Variants in BAD observed in about 807,000 individuals in gnomAD.
The protein encoded by BAD is BCL2 associated agonist of cell death.
Under a neutral mutation model 17.8 loss-of-function variants are expected in BAD, and 18 were observed. That is an observed-to-expected ratio of 1.01 (90% CI 0.70 to 1.50). The LOEUF is 1.50. Among genes scored for constraint, BAD ranks in the 40% most tolerant of loss-of-function variants. The pLI, the probability that BAD is intolerant of heterozygous loss-of-function variation, is 0.00. For missense variants in BAD, 294 were observed against 239.3 expected (o/e 1.23, Z -1.51); for synonymous variants, 112 against 91.5 (o/e 1.22, Z -1.28).
chr11:64,282,339 C>T (rs986787059), intron 2 of BAD, among the ~76,000 whole-genome samples: 1 of 152,160 alleles, frequency 6.6e-6, no homozygotes, highest in Non-Finnish European at 1.5e-5. Flanking sequence ...TGGTGGCTCA[C>T]GCCAGTAATC....
chr11:64,276,802 C>G, intron 2 of BAD: 2 of 655,720 alleles, frequency 3.1e-6, no homozygotes, highest in Non-Finnish European at 5.6e-6. Context: ...GGTGCCCAGG[C>G]CTGCCCACTC....
intron 2 of BAD, among the ~76,000 whole-genome samples, chr11:64,280,690 C>G (rs1187450482): frequency 6.6e-6 from 1 of 150,926 alleles, no homozygotes; most frequent in South Asian, 2.1e-4. Context: ...TTTTTTGAGA[C>G]GGACTCTTGC....
At chr11:64,271,383 A>T (rs1358431537) in intron 3 of BAD, among the ~76,000 whole-genome samples, 4 of 77,612 alleles carry the variant, frequency 5.2e-5, no homozygotes, top group African/African-American at 1.2e-4. Flanking sequence ...CCTGTGACTC[A>T]CACACACACA....
Position 64,271,659 on chromosome 11 carries a change from C to G in BAD, c.332G>C (p.Gly111Ala), listed in dbSNP as rs1370782023. The part of the protein sequence containing the change: ...PPNLWAAQRY[G>A]RELRRMSDEF... ...GTCACTCATCCTCCGGAGCTCGCGG[C>G]CATAGCGCTGTGCTGCCCAGAGGTT... Residue 111 changes from glycine to alanine, a missense_variant, in exon 3 of 4, where the codon GGC becomes GCC. Gly to Ala is a moderately conservative substitution (Grantham distance 60). Coordinates refer to ENST00000309032, the MANE Select transcript of BAD (RefSeq NM_032989.3). 2.6e-6 allele frequency: 4 copies of G among 1,509,588 alleles called. No individual in the cohort carries two copies. Among genetic ancestry groups the G allele is most frequent in the Non-Finnish European group, 3.5e-6 (4 of 1,128,142 alleles). The allele number at this position is 1,509,588 out of a possible 1,614,324, so 93.5% of individuals were successfully genotyped here. A position where few individuals can be genotyped will look rare whatever the true frequency, so the allele number is the denominator to read the frequency against.
chr11:64,270,546 C>T, intron 3 of BAD: 1 of 743,546 alleles, frequency 1.3e-6, no homozygotes, highest in Non-Finnish European at 2.3e-6. Flanking sequence ...CCAGGAACTC[C>T]GTGCCGGAGA....
intron 2 of BAD, chr11:64,277,137 G>A (rs899534800): frequency 2.1e-5 from 13 of 618,120 alleles, no homozygotes; most frequent in South Asian, 3.7e-5. Context: ...GTTCCAGACC[G>A]TTTGGAGCAG....
In BAD at chr11:64,269,945, G is replaced by C; in HGVS notation, c.*264C>G. The C allele has an allele frequency of 4.2e-6, 3 of 721,822 alleles. No homozygotes were observed. The highest frequency in any genetic ancestry group is 7.3e-6 in the Non-Finnish European group (3 of 408,886). The allele number at this position is 721,822 out of a possible 1,614,324, so 44.7% of individuals were successfully genotyped here. ...AAACCTGGCTCGCGACTTAGCGCAG[G>C]CGCCTGGGGGAAAGCCCGGAGCCTG... On this transcript the variant is annotated 3_prime_UTR_variant, in exon 4 of 4. Coordinates refer to ENST00000309032, the MANE Select transcript of BAD (RefSeq NM_032989.3).
At chr11:64,276,076 T>C (rs2033033488) in intron 2 of BAD, among the ~76,000 whole-genome samples, 1 of 152,110 alleles carries the variant, frequency 6.6e-6, no homozygotes. Flanking sequence ...CTTCCAGCTG[T>C]ACCTTGGGCT....
At chr11:64,281,206 T>C (rs1291381887) in intron 2 of BAD, among the ~76,000 whole-genome samples, 1 of 152,124 alleles carries the variant, frequency 6.6e-6, no homozygotes, top group Non-Finnish European at 1.5e-5. Context: ...GACCTCATGA[T>C]CTGCCCACCT....
rs1249853281 is a variant in BAD, at chr11:64,271,691, C to G, written c.300G>C (p.Ala100=). The G allele has an allele frequency of 6.8e-7, 1 of 1,471,096 alleles. No homozygotes were observed. The highest frequency in any genetic ancestry group is 1.3e-5 in the South Asian group (1 of 74,264). The allele number at this position is 1,471,096 out of a possible 1,614,324, so 91.1% of individuals were successfully genotyped here. The change falls in exon 3 of 4, where the codon GCG becomes GCC. Residue 100 remains alanine, a synonymous_variant. Coordinates refer to ENST00000309032, the MANE Select transcript of BAD (RefSeq NM_032989.3). ...PSPFRGRSRS[A]PPNLWAAQRY... is the part of the protein sequence containing the mutation. The stretch of plus-strand genomic sequence containing the variant: ...GCTGTGCTGCCCAGAGGTTGGGGGG[C>G]GCCGAGCGCGAGCGGCCCCGAAAGG...
intron 2 of BAD, 49 bp downstream of exon 2, chr11:64,284,133 T>C (rs753264880): frequency 6.6e-7 from 1 of 1,515,530 alleles, no homozygotes; most frequent in South Asian, 1.3e-5. Context: ...AGGGAGCCAG[T>C]GGGCTGGGGG....
chr11:64,271,406 C>CACACACACACACACACA (rs2032589137), intron 3 of BAD, among the ~76,000 whole-genome samples: 1 of 140,538 alleles, frequency 7.1e-6, no homozygotes, highest in South Asian at 2.4e-4. Flanking sequence ...CACACACACA[C>CACACACACACACACACA]CAGGCGGGGG....
chr11:64,269,932 C>T lies in BAD; in HGVS notation c.*277G>A. Reference sequence around the variant, plus strand: ...TGACGCAACGGTTAAACCTGGCTCGCGACTTAGCGCAGGCGCCTGGGGGAA... The same window carrying T: ...TGACGCAACGGTTAAACCTGGCTCGTGACTTAGCGCAGGCGCCTGGGGGAA... On this transcript the variant is annotated 3_prime_UTR_variant, in exon 4 of 4. Coordinates refer to ENST00000309032, the MANE Select transcript of BAD (RefSeq NM_032989.3). The T allele has an allele frequency of 1.4e-6, 1 of 713,248 alleles. No homozygotes were observed. Among genetic ancestry groups the T allele is most frequent in the Non-Finnish European group, 2.5e-6 (1 of 398,284 alleles). The allele number at this position is 713,248 out of a possible 1,614,324, so 44.2% of individuals were successfully genotyped here.
At chr11:64,279,762 C>CAAA (rs35718358) in intron 2 of BAD, among the ~76,000 whole-genome samples, 22 of 103,692 alleles carry the variant, frequency 2.1e-4, no homozygotes, top group Admixed American at 9.5e-4. Flanking sequence ...GACTCTATCT[C>CAAA]AAAAAAAAAA....
In BAD at chr11:64,284,251, G is replaced by A. The variant is rs1478683357; in HGVS notation, c.118C>T (p.Gln40Ter). ...GCGTCCCACAGGAGGCCTGGGGCCT[G>A]GCGATGATGCTTGCCGGAGCCTGAG... is the stretch of plus-strand genomic sequence containing the variant. ...GPSGSGKHHR[Q>*]APGLLWDASH... is the part of the protein sequence containing the mutation. The change falls in exon 2 of 4, where the codon CAG (glutamine) becomes TAG (stop). Residue 40 changes from glutamine (Q) to a stop codon, truncating the protein, a stop_gained. Coordinates refer to ENST00000309032, the MANE Select transcript of BAD (RefSeq NM_032989.3). LOFTEE classifies it high-confidence loss of function. 7.4e-6 allele frequency: 12 copies of A among 1,611,002 alleles called. No individual in the cohort carries two copies. Among genetic ancestry groups the A allele is most frequent in the South Asian group, 2.2e-5 (2 of 91,068 alleles).
At chr11:64,281,157 C>A (rs529429571) in intron 2 of BAD, among the ~76,000 whole-genome samples, 1 of 152,058 alleles carries the variant, frequency 6.6e-6, no homozygotes, top group East Asian at 1.9e-4. Flanking sequence ...TTAGTGGAGA[C>A]GGGGTTCACC....
chr11:64,283,940 C>T (rs1489690940), intron 2 of BAD, among the ~76,000 whole-genome samples: 1 of 152,200 alleles, frequency 6.6e-6, no homozygotes, highest in Non-Finnish European at 1.5e-5. Flanking sequence ...CGGCAGCAAC[C>T]ATTTTTTAGC....
chr11:64,280,312 T>G (rs1254613291), intron 2 of BAD, among the ~76,000 whole-genome samples: 1 of 134,416 alleles, frequency 7.4e-6, no homozygotes, highest in African/African-American at 2.7e-5. Flanking sequence ...AGAGCAAGAC[T>G]CCATGTCAAA....
At chr11:64,279,762 CA>C (rs35718358) in intron 2 of BAD, among the ~76,000 whole-genome samples, 55,738 of 103,314 alleles carry the variant, frequency 0.54, 13,755 homozygotes, top group East Asian at 0.74. Context: ...GACTCTATCT[CA>C]AAAAAAAAAA....
Sources: allele counts gnomAD v4.1 joint callset (sites outside exome capture counted in the v4.1 genomes callset), GRCh38; gene constraint gnomAD v4.1.1; transcripts MANE v1.5; gene names NCBI Gene and HGNC (gene_info 2026-07-23, HGNC 2026-07-21).